GALNT13: variants seen among roughly 807,000 people sequenced by gnomAD.
GALNT13 encodes polypeptide N-acetylgalactosaminyltransferase 13, also known as UDP-GalNAc:polypeptide N-acetylgalactosaminyltransferase 13.
A neutral mutation model predicts 64.2 loss-of-function variants in GALNT13; 28 were observed. The ratio of observed to expected loss-of-function variants is 0.44; its 90% CI spans 0.32 to 0.60. The LOEUF is 0.60. Ranked by LOEUF, GALNT13 falls within the 20% of genes least tolerant of loss-of-function variation. GALNT13 has a pLI of 0.05. For missense variants in GALNT13, 577 were observed against 669.8 expected (o/e 0.86, Z 1.53); for synonymous variants, 214 against 224.6 (o/e 0.95, Z 0.42).
chr2:153,646,271 C>T, the GALNT13 span, among the ~76,000 whole-genome samples: 2 of 151,672 alleles, frequency 1.3e-5, no homozygotes, highest in Non-Finnish European at 2.9e-5. Context: ...ATTAGTGACC[C>T]CTGAAACATA....
At chr2:153,542,366 AAAAC>A in the GALNT13 span, among the ~76,000 whole-genome samples, 237 of 138,096 alleles carry the variant, frequency 1.7e-3, 3 homozygotes, top group Admixed American at 8.1e-3. Flanking sequence ...ACACAAAAAA[AAAAC>A]CGGAAGTAGA....
chr2:153,069,395 G>A, the GALNT13 span, among the ~76,000 whole-genome samples: 1 of 152,118 alleles, frequency 6.6e-6, no homozygotes, highest in Non-Finnish European at 1.5e-5. Flanking sequence ...CAGTGGGAGA[G>A]GGATGATGAA....
intron 8 of GALNT13, among the ~76,000 whole-genome samples, chr2:154,278,038 C>T (rs1460705664): frequency 2.0e-5 from 3 of 152,072 alleles, no homozygotes; most frequent in African/African-American, 7.2e-5. Flanking sequence ...ATATGTGATC[C>T]CTGACCAAAA....
intron 9 of GALNT13, among the ~76,000 whole-genome samples, chr2:154,308,353 T>G (rs1251707559): frequency 3.3e-5 from 5 of 152,152 alleles, no homozygotes; most frequent in Admixed American, 6.6e-5. Context: ...GCATTGTTAT[T>G]AAAGTTTAAA....
chr2:154,388,946 G>A (rs1029590722), intron 9 of GALNT13, among the ~76,000 whole-genome samples: 2 of 151,986 alleles, frequency 1.3e-5, no homozygotes, highest in African/African-American at 4.8e-5. Context: ...GTAAAAAGGA[G>A]CTTTATCTCA....
At chr2:154,326,148 G>GA in intron 9 of GALNT13, among the ~76,000 whole-genome samples, 1 of 152,182 alleles carries the variant, frequency 6.6e-6, no homozygotes, top group South Asian at 2.1e-4. Flanking sequence ...GGACAGTTGA[G>GA]AAAAACTAGT....
chr2:153,705,395 TAAA>T, the GALNT13 span, among the ~76,000 whole-genome samples: 1 of 137,022 alleles, frequency 7.3e-6, no homozygotes, highest in Non-Finnish European at 1.6e-5. Flanking sequence ...GTACCACTGT[TAAA>T]AAAAAAAAAA....
chr2:154,060,423 T>C (rs1250283929), intron 3 of GALNT13, among the ~76,000 whole-genome samples: 1 of 152,242 alleles, frequency 6.6e-6, no homozygotes, highest in South Asian at 2.1e-4. Context: ...TGGCGTGATC[T>C]CATCTCGTTG....
At chr2:153,738,257 G>A in the GALNT13 span, among the ~76,000 whole-genome samples, 1 of 151,544 alleles carries the variant, frequency 6.6e-6, no homozygotes, top group Non-Finnish European at 1.5e-5. Context: ...ATTCTTACTA[G>A]CTCTTTCTTT....
At chr2:153,563,148 T>C in the GALNT13 span, among the ~76,000 whole-genome samples, 4 of 152,172 alleles carry the variant, frequency 2.6e-5, no homozygotes, top group African/African-American at 9.6e-5. Flanking sequence ...TTTCTTACCT[T>C]ACCTTCCATA....
intron 9 of GALNT13, among the ~76,000 whole-genome samples, chr2:154,308,009 G>T (rs1234945367): frequency 1.3e-5 from 2 of 151,914 alleles, no homozygotes; most frequent in African/African-American, 4.8e-5. Flanking sequence ...TAGATCAACA[G>T]GCATGGTGAT....
chr2:153,201,174 G>A, the GALNT13 span, among the ~76,000 whole-genome samples: 1 of 152,154 alleles, frequency 6.6e-6, no homozygotes, highest in African/African-American at 2.4e-5. Context: ...CCTGCAGTGG[G>A]AATAATATTG....
the GALNT13 span, among the ~76,000 whole-genome samples, chr2:153,566,067 A>G: frequency 6.6e-6 from 1 of 152,304 alleles, no homozygotes; most frequent in East Asian, 1.9e-4. Context: ...ATGATAAGAT[A>G]ATCTTTTAAT....
the GALNT13 span, among the ~76,000 whole-genome samples, chr2:153,329,023 C>T: frequency 1.3e-5 from 2 of 152,102 alleles, no homozygotes; most frequent in Admixed American, 1.3e-4. Context: ...TCATCCCTCA[C>T]AGTGTGGTCC....
the GALNT13 span, among the ~76,000 whole-genome samples, chr2:153,669,603 G>C: frequency 1.7e-3 from 265 of 152,272 alleles, no homozygotes; most frequent in African/African-American, 6.1e-3. Flanking sequence ...ACAGCTCCCA[G>C]TGAGATTGAT....
chr2:153,713,505 T>C, the GALNT13 span, among the ~76,000 whole-genome samples: 1 of 152,122 alleles, frequency 6.6e-6, no homozygotes, highest in Non-Finnish European at 1.5e-5. Context: ...TTTTTTTGTG[T>C]GTTGGAGTCT....
At chr2:154,306,712 G>T (rs1437938904) in intron 9 of GALNT13, among the ~76,000 whole-genome samples, 2 of 151,808 alleles carry the variant, frequency 1.3e-5, no homozygotes, top group African/African-American at 2.4e-5. Context: ...CTGTTCCTGG[G>T]TGGGATCACA....
At chr2:153,108,411 A>G in the GALNT13 span, among the ~76,000 whole-genome samples, 2 of 152,226 alleles carry the variant, frequency 1.3e-5, no homozygotes, top group Middle Eastern at 3.4e-3. Flanking sequence ...TTAACTCTTT[A>G]TCTGTCTTTC....
At chr2:153,482,751 G>A in the GALNT13 span, among the ~76,000 whole-genome samples, 1,400 of 150,662 alleles carry the variant, frequency 9.3e-3, 19 homozygotes, top group African/African-American at 0.03. Context: ...GATTACAGGC[G>A]TAGCCAACGC....
Sources: gnomAD v4.1 joint callset for allele counts (sites outside exome capture counted in the v4.1 genomes callset) on GRCh38, gnomAD v4.1.1 for gene constraint, MANE v1.5 for transcripts, NCBI Gene and HGNC (gene_info 2026-07-23, HGNC 2026-07-21) for gene names.